Variants in EIF4G3 observed in about 807,000 individuals in gnomAD.
EIF4G3 encodes eIF-4-gamma 3.
A neutral mutation model predicts 186.4 loss-of-function variants in EIF4G3; 34 were observed. That is an observed-to-expected ratio of 0.18 (90% confidence interval 0.14 to 0.24). EIF4G3 has a LOEUF of 0.24. Ranked by LOEUF, EIF4G3 falls within the 10% of genes least tolerant of loss-of-function variation. The pLI is 1.00. For missense variants in EIF4G3, 1,536 were observed against 1,948.5 expected, an observed-to-expected ratio of 0.79 and a Z score of 3.99; for synonymous variants, 673 against 679.5, an observed-to-expected ratio of 0.99 and a Z score of 0.15.
At chr1:21,028,042 T>G (rs902751227) in intron 4 of EIF4G3, among the ~76,000 whole-genome samples, 16 of 152,322 alleles carry the variant, frequency 1.1e-4, no homozygotes, top group Non-Finnish European at 2.2e-4. Flanking sequence ...CACAAACAAC[T>G]ACTGTATGAT....
intron 30 of EIF4G3, among the ~76,000 whole-genome samples, chr1:20,837,413 C>T (rs535822529): frequency 6.6e-6 from 1 of 152,222 alleles, no homozygotes; most frequent in South Asian, 2.1e-4. Context: ...ACCATGTTAG[C>T]CAGGATGGTC....
rs1300643640 is a variant in EIF4G3 at position 21,024,887 on chromosome 1, T to TA, written c.-66-22080dup. Among the ~76,000 whole-genome samples the TA allele has an allele frequency of 1.8e-3, 216 of 118,108 alleles. 3 individuals carry two copies. The highest frequency in any genetic ancestry group is 6.5e-3 in the African/African-American group (206 of 31,686). 77.5% of individuals were successfully genotyped at this position (118,108 alleles called of 152,430 possible). On this transcript the variant is annotated intron_variant, in intron 4 of 36. Transcript: ENST00000602326. ...GTGAGAAACACCCAATAATTATCAA[T>TA]AAAAAAATAAATTTAAAAAAAAAAA...
chr1:21,055,645 A>G (rs1340280985), intron 3 of EIF4G3, among the ~76,000 whole-genome samples: 1 of 152,102 alleles, frequency 6.6e-6, no homozygotes, highest in African/African-American at 2.4e-5. Context: ...TTCACTTTAG[A>G]GTACATACCC....
At chr1:20,951,277 C>T (rs2154563490) in intron 12 of EIF4G3, among the ~76,000 whole-genome samples, 1 of 152,130 alleles carries the variant, frequency 6.6e-6, no homozygotes, top group East Asian at 1.9e-4. Context: ...GAATGTACAA[C>T]ATGAAATTTA....
At chr1:20,893,719 A>G in intron 17 of EIF4G3, 83 bp from the exon 18 acceptor site, 1 of 1,408,294 alleles carries the variant, frequency 7.1e-7, no homozygotes, top group Non-Finnish European at 9.4e-7. Context: ...TTTACTGAAA[A>G]GTTACATCAG....
At chr1:20,860,614 C>G in intron 23 of EIF4G3, 97 bp from the exon 24 acceptor site, 1 of 1,340,954 alleles carries the variant, frequency 7.5e-7, no homozygotes, top group Non-Finnish European at 1.0e-6. Context: ...GTACAAAATA[C>G]CTACAAAAGC....
In EIF4G3 at chr1:20,994,835, C is replaced by T. The variant is rs550249239; in HGVS notation, c.177+2766G>A. Among the ~76,000 whole-genome samples, 5 of 151,936 alleles carry T rather than the reference C, an allele frequency of 3.3e-5. No individual in the cohort carries two copies. The South Asian group carries it at 6.2e-4, about 19-fold the overall frequency. On this transcript the variant is annotated intron_variant, in intron 7 of 36. Transcript: ENST00000602326. ...TTTTTATTTTGCAGAGATGAGGTTT[C>T]GCCATGTTGCTCAGGCTGATCTCTA...
Position 21,083,025 on chromosome 1 carries a change from G to A in EIF4G3, c.-196+6113C>T, listed in dbSNP as rs1409443778. 6.3e-4 allele frequency among the ~76,000 whole-genome samples: 68 copies of A among 107,470 alleles called. 1 individual carries two copies. The highest frequency in any genetic ancestry group is 1.0e-3 in the Admixed American group (8 of 7,898). The allele number at this position is 107,470 out of a possible 152,430, so 70.5% of individuals were successfully genotyped here. A position where few individuals can be genotyped will look rare whatever the true frequency, so the allele number is the denominator to read the frequency against. ...TGCACTCCAACCTGGGAGACACAGC[G>A]AGACTCTGTCTCAAAAAAAAAAAAA... On this transcript the variant is annotated intron_variant, in intron 3 of 36. Transcript: ENST00000602326.
At chr1:21,077,583 CAA>C (rs59376357) in intron 3 of EIF4G3, among the ~76,000 whole-genome samples, 1 of 122,774 alleles carries the variant, frequency 8.1e-6, no homozygotes, top group Admixed American at 8.4e-5. Context: ...ATTAAAAATA[CAA>C]AAAAAAAAAA....
chr1:20,826,671 G>A (rs2063736920), intron 32 of EIF4G3, among the ~76,000 whole-genome samples: 1 of 151,284 alleles, frequency 6.6e-6, no homozygotes, highest in Non-Finnish European at 1.5e-5. Flanking sequence ...TGTATTTTTA[G>A]TAGAGACAGG....
At chr1:20,832,624 A>G (rs1469643634) in intron 30 of EIF4G3, among the ~76,000 whole-genome samples, 1 of 149,590 alleles carries the variant, frequency 6.7e-6, no homozygotes, top group East Asian at 2.0e-4. Flanking sequence ...ATTAGATCCC[A>G]TTTGTCAATT....
rs1339672568 is a variant in EIF4G3, at chr1:20,806,801, A to C, written c.*518T>G. ...GCAGAAAGATTTGATGCCAAAAAAA[A>C]AAAAATCTTTCTTACCTTGTTCACC... On this transcript the variant is annotated 3_prime_UTR_variant, in exon 37 of 37. Transcript: ENST00000602326. 1 of 152,534 alleles carries C rather than the reference A, an allele frequency of 6.6e-6. No homozygotes were observed. Among genetic ancestry groups the C allele is most frequent in the African/African-American group, 2.4e-5 (1 of 41,440 alleles). 9.4% of individuals were successfully genotyped at this position (152,534 alleles called of 1,614,324 possible).
intron 12 of EIF4G3, among the ~76,000 whole-genome samples, chr1:20,968,784 T>C (rs550014702): frequency 3.3e-5 from 5 of 152,216 alleles, no homozygotes; most frequent in Non-Finnish European, 4.4e-5. Flanking sequence ...TATTAGATAT[T>C]ATAAGTAATT....
chr1:21,079,789 T>G (rs939127349), intron 3 of EIF4G3, among the ~76,000 whole-genome samples: 1 of 151,938 alleles, frequency 6.6e-6, no homozygotes, highest in African/African-American at 2.4e-5. Context: ...GAGAATTGCT[T>G]GAGCCCTGAC....
chr1:21,047,784 A>C (rs1182961124), intron 4 of EIF4G3, among the ~76,000 whole-genome samples: 1 of 152,178 alleles, frequency 6.6e-6, no homozygotes, highest in Admixed American at 6.5e-5. Flanking sequence ...AAACTGTTTC[A>C]ACTGTGAAAC....
intron 20 of EIF4G3, among the ~76,000 whole-genome samples, chr1:20,876,599 T>A (rs1168333022): frequency 6.6e-6 from 1 of 152,090 alleles, no homozygotes; most frequent in Non-Finnish European, 1.5e-5. Flanking sequence ...AGTGACCATC[T>A]GATAGGGAAG....
At chr1:20,819,889 G>A (rs1211492566) in intron 33 of EIF4G3, among the ~76,000 whole-genome samples, 1 of 152,092 alleles carries the variant, frequency 6.6e-6, no homozygotes, top group Non-Finnish European at 1.5e-5. Context: ...GGAGAAGGAG[G>A]AAAGAGGAGA....
rs182189842 is a variant in EIF4G3 at position 20,810,292 on chromosome 1, T to A, written c.4744+446A>T. Reference sequence around the variant, plus strand: ...GCCTCAGCCTCCCAAGTAGCTGGGATTACAGGTGCCCGCCACCACACCCAG... The same window carrying A: ...GCCTCAGCCTCCCAAGTAGCTGGGAATACAGGTGCCCGCCACCACACCCAG... On this transcript the variant is annotated intron_variant, in intron 36 of 36. Coordinates refer to ENST00000602326, the MANE Select transcript of EIF4G3 (RefSeq NM_001391906.1). This position sits in a 1 kb window ranked among gnomAD's most constrained non-coding sequence, Gnocchi z 4.1. Among the ~76,000 whole-genome samples the A allele has an allele frequency of 4.6e-3, 700 of 152,188 alleles. 5 individuals carry two copies. Among genetic ancestry groups the A allele is most frequent in the African/African-American group, 0.016 (665 of 41,510 alleles).
At position 20,981,586 on chromosome 1, in the gene EIF4G3, T is replaced by TATAC. The variant is rs1383626656; in HGVS notation, c.199-363_199-360dup. Among the ~76,000 whole-genome samples the TATAC allele has an allele frequency of 1.5e-5, 2 of 137,202 alleles. 1 individual carries two copies. The highest frequency in any genetic ancestry group is 5.5e-5 in the African/African-American group (2 of 36,442). 90.0% of individuals were successfully genotyped at this position (137,202 alleles called of 152,430 possible). ...TACATGTATACGCACATACTGTATGTATACATACATGTATACGCACATACT... is the reference window on the plus strand; with the variant it reads ...TACATGTATACGCACATACTGTATGTATACATACATACATGTATACGCACATACT... On this transcript the variant is annotated intron_variant, in intron 8 of 36. Transcript: ENST00000602326.
Sources: gnomAD v4.1 joint callset for allele counts (sites outside exome capture counted in the v4.1 genomes callset) on GRCh38, gnomAD v4.1.1 for gene constraint, Gnocchi (gnomAD v3.1) non-coding constraint, MANE v1.5 for transcripts, NCBI Gene and HGNC (gene_info 2026-07-23, HGNC 2026-07-21) for gene names.